The following SBF2 variants were observed in gnomAD, a reference collection of about 807,000 sequenced individuals.
SBF2 encodes SET binding factor 2.
A neutral mutation model predicts 225.2 loss-of-function variants in SBF2; 112 were observed. The observed-to-expected ratio is 0.50, with a 90% CI of 0.43 to 0.58. The LOEUF is 0.58. Ranked by LOEUF, SBF2 falls within the 20% of genes least tolerant of loss-of-function variation. The pLI is 0.00. For synonymous variants in SBF2, 763 were observed against 773.3 expected (o/e 0.99, Z 0.22); for missense variants, 1,996 against 2,206.2 (o/e 0.90, Z 1.91).
chr11:10,002,604 A>G lies in SBF2; in HGVS notation c.705T>C (p.Ser235=), dbSNP rs143209062. The change falls in exon 7 of 40, where the codon AGT becomes AGC. Residue 235 remains serine, a synonymous_variant. Coordinates refer to ENST00000256190, the MANE Select transcript of SBF2 (RefSeq NM_030962.4). ...AAGATTCCAGGGCTCTACAAGCATCACTAAGTCTCTGGAAACTTGCAGAAT... is the reference window on the plus strand; with the variant it reads ...AAGATTCCAGGGCTCTACAAGCATCGCTAAGTCTCTGGAAACTTGCAGAAT... ...LFHSASFQRL[S]DACRALESLM... The G allele has an allele frequency of 2.7e-4, 436 of 1,612,898 alleles. 2 individuals carry two copies. Among genetic ancestry groups the G allele is most frequent in the Middle Eastern group, 3.3e-4 (2 of 6,054 alleles).
At chr11:10,016,141 T>C (rs1948643344) in intron 6 of SBF2, among the ~76,000 whole-genome samples, 1 of 152,152 alleles carries the variant, frequency 6.6e-6, no homozygotes, top group African/African-American at 2.4e-5. Context: ...GATTTACAAG[T>C]AGTTCATCAG....
At chr11:9,926,331 T>C (rs1167816462) in intron 16 of SBF2, among the ~76,000 whole-genome samples, 3 of 149,180 alleles carry the variant, frequency 2.0e-5, no homozygotes, top group Non-Finnish European at 1.5e-5. Context: ...AAAATTGTCT[T>C]TTTTTTTTTC....
chr11:10,043,504 T>G (rs982847276), intron 2 of SBF2, among the ~76,000 whole-genome samples: 1 of 152,150 alleles, frequency 6.6e-6, no homozygotes, highest in Non-Finnish European at 1.5e-5. Context: ...TGTTAGACCA[T>G]GACAGAATTA....
chr11:9,981,573 T>C (rs1946960897), intron 13 of SBF2, among the ~76,000 whole-genome samples: 1 of 152,266 alleles, frequency 6.6e-6, no homozygotes, highest in East Asian at 1.9e-4. Flanking sequence ...ATTAGTAAGA[T>C]TTTAATGTTC....
chr11:9,908,177 A>G (rs1434943094), intron 16 of SBF2, among the ~76,000 whole-genome samples: 1 of 151,570 alleles, frequency 6.6e-6, no homozygotes, highest in Non-Finnish European at 1.5e-5. Context: ...AATTGTTACA[A>G]TTAAAATGCA....
At chr11:9,829,595 T>C in intron 27 of SBF2, 99 bp from the exon 28 acceptor site, 1 of 1,091,926 alleles carries the variant, frequency 9.2e-7, no homozygotes, top group Non-Finnish European at 1.4e-6. Flanking sequence ...TATGCTTATT[T>C]TTCTCTATAT....
rs144427720 is a variant in SBF2, at chr11:10,018,322, C to T, written c.619+10130G>A. ...TGAAGACGAAAGACTGGTAAATAAA[C>T]GGTTAAAACATAAAATAATAGAGCT... On this transcript the variant is annotated intron_variant, in intron 6 of 39. Transcript: ENST00000256190. Among the ~76,000 whole-genome samples, 606 of 151,806 alleles carry T rather than the reference C, an allele frequency of 4.0e-3. 5 individuals carry two copies. The highest frequency in any genetic ancestry group is 0.014 in the Middle Eastern group (4 of 294).
At chr11:10,102,331 C>T (rs934861704) in intron 2 of SBF2, among the ~76,000 whole-genome samples, 8 of 152,140 alleles carry the variant, frequency 5.3e-5, no homozygotes, top group Admixed American at 2.6e-4. Flanking sequence ...AGGCTCCACA[C>T]CTAGTACATA....
At chr11:10,013,539 T>C (rs1209866682) in intron 6 of SBF2, among the ~76,000 whole-genome samples, 1 of 152,252 alleles carries the variant, frequency 6.6e-6, no homozygotes, top group East Asian at 1.9e-4. Context: ...TTGTCTAGTT[T>C]ATACTGGTTC....
At chr11:10,202,287 A>G (rs1198779107) in intron 1 of SBF2, among the ~76,000 whole-genome samples, 4 of 152,176 alleles carry the variant, frequency 2.6e-5, no homozygotes, top group Non-Finnish European at 5.9e-5. Context: ...ATCATTCACA[A>G]TCACTCTAGT....
chr11:10,099,300 A>ATTT (rs1952179584), intron 2 of SBF2, among the ~76,000 whole-genome samples: 1 of 152,218 alleles, frequency 6.6e-6, no homozygotes, highest in Non-Finnish European at 1.5e-5. Flanking sequence ...ACCAGAAGAA[A>ATTT]GGGATAATAT....
At chr11:10,161,812 A>AAAAC (rs1955751128) in intron 2 of SBF2, among the ~76,000 whole-genome samples, 1 of 151,774 alleles carries the variant, frequency 6.6e-6, no homozygotes, top group African/African-American at 2.4e-5. Flanking sequence ...ACAAAAAAAA[A>AAAAC]AAATAATAAT....
At chr11:10,195,050 T>C (rs1957309406) in intron 1 of SBF2, among the ~76,000 whole-genome samples, 1 of 152,248 alleles carries the variant, frequency 6.6e-6, no homozygotes, top group African/African-American at 2.4e-5. Flanking sequence ...TGTTACTGGT[T>C]AAAGTTTCTG....
intron 2 of SBF2, among the ~76,000 whole-genome samples, chr11:10,084,393 C>T (rs1192722866): frequency 1.3e-5 from 2 of 152,084 alleles, no homozygotes; most frequent in Non-Finnish European, 2.9e-5. Context: ...CATCTTATAC[C>T]AGTCAGAATG....
intron 2 of SBF2, among the ~76,000 whole-genome samples, chr11:10,187,231 C>G (rs995272840): frequency 1.3e-5 from 2 of 152,122 alleles, no homozygotes; most frequent in Non-Finnish European, 2.9e-5. Flanking sequence ...TAACCAAGTA[C>G]CCCCATTTTT....
chr11:10,160,994 C>G (rs1318368014), intron 2 of SBF2, among the ~76,000 whole-genome samples: 1 of 152,002 alleles, frequency 6.6e-6, no homozygotes, highest in Non-Finnish European at 1.5e-5. Flanking sequence ...CGAGACACGC[C>G]TGGCCAACAT....
At chr11:9,999,747 C>T (rs1365011019) in intron 8 of SBF2, among the ~76,000 whole-genome samples, 1 of 151,908 alleles carries the variant, frequency 6.6e-6, no homozygotes, top group African/African-American at 2.4e-5. Context: ...TACAGTGATA[C>T]CAAAATTAAA....
Position 10,239,710 on chromosome 11 carries a change from A to G in SBF2, c.56-45723T>C, listed in dbSNP as rs139067840. ...GATCATTAATGTTTTTTATTTTACA[A>G]AAGACCGTGACGTCACAACAATGGT... On this transcript the variant is annotated intron_variant, in intron 1 of 39. Transcript: ENST00000256190. 1.6e-4 allele frequency among the ~76,000 whole-genome samples: 22 copies of G among 136,650 alleles called. 1 individual carries two copies. Among genetic ancestry groups the G allele is most frequent in the African/African-American group, 4.3e-4 (17 of 39,734 alleles). The allele number at this position is 136,650 out of a possible 152,430, so 89.6% of individuals were successfully genotyped here.
intron 28 of SBF2, among the ~76,000 whole-genome samples, chr11:9,826,853 T>C (rs1855100181): frequency 6.6e-6 from 1 of 151,932 alleles, no homozygotes; most frequent in African/African-American, 2.4e-5. Context: ...CGGCTCATTT[T>C]GCTCTTGTTG....
Sources: gnomAD v4.1 joint callset for allele counts (sites outside exome capture counted in the v4.1 genomes callset) on GRCh38, gnomAD v4.1.1 for gene constraint, MANE v1.5 for transcripts, NCBI Gene and HGNC (gene_info 2026-07-23, HGNC 2026-07-21) for gene names.